The following SLC29A1 variants were observed in gnomAD, a reference collection of about 807,000 sequenced individuals.
SLC29A1 encodes the protein equilibrative nucleoside transporter 1.
A neutral mutation model predicts 48.3 loss-of-function variants in SLC29A1; 22 were observed. That is an observed-to-expected ratio of 0.46 (90% CI 0.33 to 0.65). The LOEUF (loss-of-function observed/expected upper bound fraction) is 0.65. Among genes scored for constraint, SLC29A1 ranks in the 30% least tolerant of loss-of-function variants. SLC29A1 has a pLI of 0.03. For synonymous variants in SLC29A1, 228 were observed against 231.0 expected, an observed-to-expected ratio of 0.99 and a Z score of 0.12; for missense variants, 491 against 575.3, an observed-to-expected ratio of 0.85 and a Z score of 1.50.
At chr6:44,224,639 A>G (rs1404445826) in intron 1 of SLC29A1, among the ~76,000 whole-genome samples, 1 of 152,136 alleles carries the variant, frequency 6.6e-6, no homozygotes, top group Non-Finnish European at 1.5e-5. Context: ...CAGTGCTAGT[A>G]CTAGCTTATG....
At position 44,232,641 on chromosome 6, in the gene SLC29A1, C is replaced by T. The variant is rs1433707600; in HGVS notation, c.1060-166C>T. The T allele has an allele frequency of 3.0e-6, 2 of 671,292 alleles. No individual in the cohort carries two copies. The highest frequency in any genetic ancestry group is 2.7e-5 in the Admixed American group (1 of 36,674). The allele number at this position is 671,292 out of a possible 1,614,324, so 41.6% of individuals were successfully genotyped here. A position where few individuals can be genotyped will look rare whatever the true frequency, so the allele number is the denominator to read the frequency against. On this transcript the variant is annotated intron_variant, in intron 11 of 12. Coordinates refer to ENST00000371755, the MANE Select transcript of SLC29A1 (RefSeq NM_001372327.1). The surrounding 1 kb of genome is among the most constrained non-coding windows in gnomAD (Gnocchi z 4.7). ...CCCAGATCGAGATGTAGAATATTTCCAGCACTCCAGAAGGCTCCACCATGC... is the reference window on the plus strand; with the variant it reads ...CCCAGATCGAGATGTAGAATATTTCTAGCACTCCAGAAGGCTCCACCATGC...
At chr6:44,226,652 G>A in intron 1 of SLC29A1, 5 of 757,938 alleles carry the variant, frequency 6.6e-6, no homozygotes, top group Non-Finnish European at 8.0e-6. Flanking sequence ...CTTCAGGAGA[G>A]GACAGCCCCA....
Position 44,233,775 on chromosome 6 carries a change from T to G in SLC29A1, c.*247T>G. The G allele has an allele frequency of 3.7e-6, 2 of 538,584 alleles. No individual in the cohort carries two copies. The highest frequency in any genetic ancestry group is 2.2e-5 in the South Asian group (1 of 45,318). 33.4% of individuals were successfully genotyped at this position (538,584 alleles called of 1,614,324 possible). On this transcript the variant is annotated 3_prime_UTR_variant, in exon 13 of 13. Coordinates refer to ENST00000371755, the MANE Select transcript of SLC29A1 (RefSeq NM_001372327.1). ...TAGCCTCGGCATTTGCTTGAGTTTC[T>G]CCACTCTTGGCTCTGACTGATCCCT... is the stretch of plus-strand genomic sequence containing the variant.
At position 44,229,534 on chromosome 6, in the gene SLC29A1, G is replaced by A. The variant is rs1335165506; in HGVS notation, c.112-55G>A. The A allele has an allele frequency of 1.2e-6, 2 of 1,610,962 alleles. No homozygotes were observed. The highest frequency in any genetic ancestry group is 1.3e-5 in the African/African-American group (1 of 74,850). On this transcript the variant is annotated intron_variant, in intron 3 of 12. Transcript: ENST00000371755. This position sits in a 1 kb window ranked among gnomAD's most constrained non-coding sequence, Gnocchi z 5.1. The stretch of plus-strand genomic sequence containing the variant: ...CACTGTGCTTGCAGGATCTGACTCT[G>A]TGCTGGTAGGCACAGGGAAAGAGAT...
chr6:44,222,959 C>T, upstream of SLC29A1, among the ~76,000 whole-genome samples: 1 of 152,236 alleles, frequency 6.6e-6, no homozygotes. Flanking sequence ...ATACCCCCTC[C>T]AAGTCAAAGT....
intron 8 of SLC29A1, 58 bp downstream of exon 8, chr6:44,230,947 T>C (rs1243534945): frequency 9.0e-6 from 12 of 1,334,812 alleles, no homozygotes; most frequent in Non-Finnish European, 1.3e-5. Flanking sequence ...GGGGATAGCA[T>C]GAGCAAAGAG....
chr6:44,228,422 G>A lies in SLC29A1; in HGVS notation c.30-968G>A, dbSNP rs566551527. 3.9e-5 allele frequency among the ~76,000 whole-genome samples: 6 copies of A among 152,336 alleles called. No homozygotes were observed. In the East Asian group the frequency reaches 7.7e-4, roughly 20 times the overall value. On this transcript the variant is annotated intron_variant, in intron 2 of 12. Coordinates refer to ENST00000371755, the MANE Select transcript of SLC29A1 (RefSeq NM_001372327.1). ...AGCATGTATGTGAGGGGGTTGGGGG[G>A]GCTGCAGTTGCATTAACTCGGACCT...
chr6:44,222,109 G>A (rs556864677), upstream of SLC29A1, among the ~76,000 whole-genome samples: 101 of 152,284 alleles, frequency 6.6e-4, no homozygotes, highest in Middle Eastern at 0.01. Context: ...GGCTAGGAGA[G>A]GAAGAGAGAG....
At chr6:44,225,047 GT>G (rs1358623180) in intron 1 of SLC29A1, among the ~76,000 whole-genome samples, 1 of 152,206 alleles carries the variant, frequency 6.6e-6, no homozygotes, top group Non-Finnish European at 1.5e-5. Context: ...GCCTAAGCCA[GT>G]TTTACCCAGG....
chr6:44,220,300 C>T (rs1776196835), upstream of SLC29A1, among the ~76,000 whole-genome samples: 1 of 151,958 alleles, frequency 6.6e-6, no homozygotes, highest in South Asian at 2.1e-4. Flanking sequence ...ACCTCAGCCT[C>T]CCAAAATGCC....
intron 2 of SLC29A1, among the ~76,000 whole-genome samples, chr6:44,228,043 A>C (rs1461863253): frequency 6.6e-6 from 1 of 152,200 alleles, no homozygotes; most frequent in African/African-American, 2.4e-5. Flanking sequence ...TTGAGCATGT[A>C]GCTTAATCTC....
chr6:44,231,588 T>C (rs1778891934), intron 9 of SLC29A1, 127 bp downstream of exon 9: 2 of 680,334 alleles, frequency 2.9e-6, no homozygotes, highest in East Asian at 5.4e-5. Flanking sequence ...TTCTTTTGTG[T>C]GTGCGTGCGT....
At chr6:44,219,776 T>C, upstream of SLC29A1, 1 of 1,282,466 alleles carries the variant, frequency 7.8e-7, no homozygotes, top group Non-Finnish European at 1.0e-6. Flanking sequence ...CTCCAAAGTC[T>C]CAGCAGGTGC....
intron 2 of SLC29A1, among the ~76,000 whole-genome samples, chr6:44,228,944 G>A (rs1374053813): frequency 6.6e-6 from 1 of 152,174 alleles, no homozygotes; most frequent in Non-Finnish European, 1.5e-5. Context: ...ATCCTCTCTG[G>A]GGAGTAACAC....
chr6:44,233,351 C>T, intron 12 of SLC29A1, 66 bp from the exon 13 acceptor site: 2 of 1,336,370 alleles, frequency 1.5e-6, no homozygotes, highest in South Asian at 1.2e-5. Context: ...CCCCTCCTTC[C>T]ACCCAGAGGC....
chr6:44,233,179 G>A lies in SLC29A1; in HGVS notation c.1259+173G>A, dbSNP rs571508800. Among the ~76,000 whole-genome samples, 3 of 152,276 alleles carry A rather than the reference G, an allele frequency of 2.0e-5. No homozygotes were observed. The East Asian group carries it at 5.8e-4, about 29-fold the overall frequency. ...GATAGTGACTGTAGTGGAGGGGGGC[G>A]CCAAGCTTACTTGGGTGGAGGTGGA... On this transcript the variant is annotated intron_variant, in intron 12 of 12. Transcript: ENST00000371755.
chr6:44,226,938 C>T, intron 1 of SLC29A1: 2 of 1,085,202 alleles, frequency 1.8e-6, no homozygotes, highest in Non-Finnish European at 2.3e-6. Flanking sequence ...ATCATCTTTC[C>T]TCCTCCTTCC....
In SLC29A1 at chr6:44,230,453, C is replaced by T. The variant is rs1182395579; in HGVS notation, c.561C>T (p.Ala187=). Residue 187 remains alanine (A), a synonymous_variant, in exon 6 of 13, where the codon GCC becomes GCT. Coordinates refer to ENST00000371755, the MANE Select transcript of SLC29A1 (RefSeq NM_001372327.1). ...GCCAGGGCCTAGCAGGCTTCTTTGC[C>T]TCCGTGGCCATGATCTGCGCTATTG... ...MSGQGLAGFF[A]SVAMICAIAS... is the part of the protein sequence containing the mutation. The T allele has an allele frequency of 3.7e-6, 6 of 1,613,858 alleles. No homozygotes were observed. Among genetic ancestry groups the T allele is most frequent in the Non-Finnish European group, 5.1e-6 (6 of 1,180,008 alleles).
chr6:44,230,056 G>A lies in SLC29A1; in HGVS notation c.454+10G>A. ...ATCGTGCTCATTAATTGTAAGCTGGGCCAGGAGGGGGCCTATGGGAGGAGG... is the reference window on the plus strand; with the variant it reads ...ATCGTGCTCATTAATTGTAAGCTGGACCAGGAGGGGGCCTATGGGAGGAGG... On this transcript the variant is annotated intron_variant, in intron 5 of 12. Coordinates refer to ENST00000371755, the MANE Select transcript of SLC29A1 (RefSeq NM_001372327.1). The A allele has an allele frequency of 6.2e-7, 1 of 1,603,892 alleles. No homozygotes were observed. The highest frequency in any genetic ancestry group is 1.1e-5 in the South Asian group (1 of 91,086).
Sources: allele counts gnomAD v4.1 joint callset (sites outside exome capture counted in the v4.1 genomes callset), GRCh38; gene constraint gnomAD v4.1.1; non-coding constraint Gnocchi (gnomAD v3.1); transcripts MANE v1.5; gene names NCBI Gene and HGNC (gene_info 2026-07-23, HGNC 2026-07-21).